The following PXDN variants were observed in gnomAD, a reference collection of about 807,000 sequenced individuals.
The protein encoded by PXDN is peroxidasin homolog.
A neutral mutation model predicts 140.3 loss-of-function variants in PXDN; 77 were observed. The observed-to-expected ratio is 0.55, with a 90% confidence interval of 0.46 to 0.66. PXDN has a LOEUF of 0.66. Among genes scored for constraint, PXDN ranks in the 30% least tolerant of loss-of-function variants. The pLI is 0.00. For missense variants in PXDN, 1,838 were observed against 2,039.5 expected (o/e 0.90, Z 1.90); for synonymous variants, 911 against 857.4 (o/e 1.06, Z -1.09).
chr2:1,740,118 A>G (rs554870682), intron 1 of PXDN, among the ~76,000 whole-genome samples: 63 of 152,278 alleles, frequency 4.1e-4, no homozygotes, highest in African/African-American at 1.5e-3. Flanking sequence ...CAGAAGACGC[A>G]GTCAGATGTG....
rs767295849 is a variant in PXDN at position 1,635,429 on chromosome 2, T to C, written c.4299A>G (p.Ala1433=). 5.6e-6 allele frequency: 9 copies of C among 1,594,694 alleles called. No individual in the cohort carries two copies. The highest frequency in any genetic ancestry group is 3.5e-5 in the Admixed American group (2 of 57,220). The change falls in exon 22 of 23, where the codon GCA becomes GCG. Residue 1433 remains alanine (A), a synonymous_variant. Transcript: ENST00000252804. ...HANNTKWKKD[A]CTICECKDGQ... ...TCACTTTGCATTCACAAATGGTGCA[T>C]GCATCTTTTTTCCACTTGGTGTTGT... is the stretch of plus-strand genomic sequence containing the variant.
At chr2:1,731,143 A>AGCGC (rs771785733) in intron 1 of PXDN, among the ~76,000 whole-genome samples, 6,642 of 114,338 alleles carry the variant, frequency 0.058, 172 homozygotes, top group Admixed American at 0.095. Context: ...CACTGTTGAG[A>AGCGC]GCGCGCGCGC....
intron 1 of PXDN, among the ~76,000 whole-genome samples, chr2:1,727,556 ATGCCCTGCACCTGC>A (rs1223400759): frequency 2.6e-5 from 4 of 152,174 alleles, no homozygotes; most frequent in African/African-American, 4.8e-5. Flanking sequence ...AGGCTGGCAC[ATGCCCTGCACCTGC>A]TGCCAGCTCC....
At chr2:1,723,217 G>C (rs1685094546) in intron 1 of PXDN, among the ~76,000 whole-genome samples, 1 of 152,160 alleles carries the variant, frequency 6.6e-6, no homozygotes, top group Admixed American at 6.5e-5. Flanking sequence ...ATGAATGGAA[G>C]AAAGAATAGA....
Position 1,683,698 on chromosome 2 carries a change from A to G in PXDN, c.518T>C (p.Leu173Ser). 1 of 1,607,876 alleles carries G rather than the reference A, an allele frequency of 6.2e-7. No individual in the cohort carries two copies. Among genetic ancestry groups the G allele is most frequent in the Non-Finnish European group, 8.5e-7 (1 of 1,177,954 alleles). The change falls in exon 6 of 23, where the codon TTA (leucine) becomes TCA (serine). Residue 173 changes from leucine (L) to serine (S), a missense_variant. Leu to Ser is a moderately radical substitution (Grantham distance 145). Around this residue, in one of 5 missense-constraint regions of PXDN, gnomAD observed 208 missense variants for 325.8 expected, o/e 0.64. Transcript: ENST00000252804. Reference protein sequence around the residue: ...LFLHNNRITHLVPGTFNHLES... With the variant: ...LFLHNNRITHSVPGTFNHLES... ...CAAGTGATTAAATGTCCCTGGAACT[A>G]AATGTGTAATCCGGTTGTTATGCAA...
chr2:1,706,760 A>T (rs1684622382), intron 1 of PXDN, among the ~76,000 whole-genome samples: 1 of 116,488 alleles, frequency 8.6e-6, no homozygotes. Flanking sequence ...CCCCACTAAT[A>T]ATACAATCCG....
rs761283580 is a variant in PXDN, at chr2:1,639,024, G to T, written c.4074-46C>A. On this transcript the variant is annotated intron_variant, in intron 20 of 22. Transcript: ENST00000252804. The surrounding 1 kb of genome is among the most constrained non-coding windows in gnomAD (Gnocchi z 5.0). ...GAGGAGGGAAATATAACCTTGGCAG[G>T]TCACGCCGGGTCTCATTTCAAGGTT... 23 of 1,602,250 alleles carry T rather than the reference G, an allele frequency of 1.4e-5. No individual in the cohort carries two copies. In the East Asian group the frequency reaches 4.5e-4, roughly 31 times the overall value.
intron 4 of PXDN, among the ~76,000 whole-genome samples, chr2:1,686,395 A>G (rs1684057713): frequency 1.3e-5 from 2 of 150,796 alleles, no homozygotes; most frequent in Admixed American, 1.3e-4. Flanking sequence ...TGATTCACAG[A>G]TGCCCTTCCT....
In PXDN at chr2:1,634,155, C is replaced by T. The variant is rs764442418; in HGVS notation, c.*49G>A. 7.8e-6 allele frequency: 12 copies of T among 1,545,362 alleles called. No homozygotes were observed. Among genetic ancestry groups the T allele is most frequent in the East Asian group, 7.3e-5 (3 of 40,836 alleles). ...CCGCAGCTCCCTGCCATCGGCCACC[C>T]GATCTCACGATGGCACAGCAGACAA... On this transcript the variant is annotated 3_prime_UTR_variant, in exon 23 of 23. Transcript: ENST00000252804.
At chr2:1,652,024 C>G (rs576306676) in intron 16 of PXDN, among the ~76,000 whole-genome samples, 2 of 152,310 alleles carry the variant, frequency 1.3e-5, no homozygotes, top group South Asian at 4.1e-4. Flanking sequence ...GGGTAAACAG[C>G]AAATGTATAA....
chr2:1,642,201 ACACACACCCCC>A (rs1259049157), intron 19 of PXDN, among the ~76,000 whole-genome samples: 1 of 152,040 alleles, frequency 6.6e-6, no homozygotes, highest in Non-Finnish European at 1.5e-5. Context: ...GGATTAGATC[ACACACACCCCC>A]CACACACCCC....
chr2:1,654,481 G>A lies in PXDN; in HGVS notation c.1865C>T (p.Pro622Leu), dbSNP rs368643195. 2.7e-5 allele frequency: 44 copies of A among 1,613,342 alleles called. No homozygotes were observed. Among genetic ancestry groups the A allele is most frequent in the Non-Finnish European group, 3.6e-5 (43 of 1,179,398 alleles). Reference protein sequence around the residue: ...NVPDVSRNGDPFVATSIVEAI... With the variant: ...NVPDVSRNGDLFVATSIVEAI... Reference sequence around the variant, plus strand: ...TTCCACGATGGAGGTAGCTACAAACGGATCTCCATTTCGACTGACGTCAGG... The same window carrying A: ...TTCCACGATGGAGGTAGCTACAAACAGATCTCCATTTCGACTGACGTCAGG... The change falls in exon 15 of 23, where the codon CCG becomes CTG. Residue 622 changes from proline to leucine, a missense_variant. This residue lies in a region of PXDN where 537 missense variants were observed against 583.9 expected (regional missense o/e 0.92). Coordinates refer to ENST00000252804, the MANE Select transcript of PXDN (RefSeq NM_012293.3).
At chr2:1,726,776 T>C (rs1685196322) in intron 1 of PXDN, among the ~76,000 whole-genome samples, 1 of 152,226 alleles carries the variant, frequency 6.6e-6, no homozygotes. Flanking sequence ...ATTATTTCCT[T>C]GGCTGTACAG....
chr2:1,743,870 G>A (rs1261694668), intron 1 of PXDN, among the ~76,000 whole-genome samples: 1 of 144,314 alleles, frequency 6.9e-6, no homozygotes, highest in Non-Finnish European at 1.5e-5. Flanking sequence ...AGGAGGGGCC[G>A]CGAACCAGGG....
rs1374000774 is a variant in PXDN at position 1,685,834 on chromosome 2, T to C, written c.417-1683A>G. 6.6e-6 allele frequency among the ~76,000 whole-genome samples: 1 copy of C among 151,686 alleles called. No individual in the cohort carries two copies. Among genetic ancestry groups the C allele is most frequent in the Admixed American group, 6.6e-5 (1 of 15,266 alleles). On this transcript the variant is annotated intron_variant, in intron 4 of 22. Coordinates refer to ENST00000252804, the MANE Select transcript of PXDN (RefSeq NM_012293.3). This position sits in a 1 kb window ranked among gnomAD's most constrained non-coding sequence, Gnocchi z 5.1. ...GTGTCCTCCACCCCTCCCTGAACAA[T>C]TGAGGAAACAGGACCAAAGACAGGA...
intron 15 of PXDN, 32 bp from the exon 16 acceptor site, chr2:1,653,817 A>G (rs780547815): frequency 1.3e-6 from 2 of 1,517,954 alleles, no homozygotes; most frequent in Admixed American, 2.0e-5. Context: ...GAAAGGAAGA[A>G]TGAAACAAAT....
At chr2:1,688,697 A>G (rs1221783908) in intron 3 of PXDN, among the ~76,000 whole-genome samples, 1 of 152,172 alleles carries the variant, frequency 6.6e-6, no homozygotes, top group African/African-American at 2.4e-5. Context: ...TCTCTGACAT[A>G]GGCAGATGGG....
Position 1,643,388 on chromosome 2 carries a change from A to T in PXDN, c.3932T>A (p.Val1311Glu). Residue 1311 changes from valine to glutamate, a missense_variant, in exon 19 of 23, where the codon GTG (valine) becomes GAG (glutamate). Transcript: ENST00000252804. ...CGCACCTTCACAGCAGTCCTGCCAC[A>T]CCCGGAGGTCTACCCTGGGGATCTC... Reference protein sequence around the residue: ...CDEIPRVDLRVWQDCCEDCRT... With the variant: ...CDEIPRVDLREWQDCCEDCRT... The T allele has an allele frequency of 6.2e-7, 1 of 1,613,838 alleles. No homozygotes were observed. The highest frequency in any genetic ancestry group is 1.1e-5 in the South Asian group (1 of 91,072).
rs1248574043 is a variant in PXDN at position 1,685,795 on chromosome 2, C to T, written c.417-1644G>A. On this transcript the variant is annotated intron_variant, in intron 4 of 22. Coordinates refer to ENST00000252804, the MANE Select transcript of PXDN (RefSeq NM_012293.3). This position sits in a 1 kb window ranked among gnomAD's most constrained non-coding sequence, Gnocchi z 5.1. The stretch of plus-strand genomic sequence containing the variant: ...ACAGGATCTTAGAGAGGCTGGGGCC[C>T]CAGGCAGCCTGGGGTGTCCTCCACC... 6.6e-6 allele frequency among the ~76,000 whole-genome samples: 1 copy of T among 151,916 alleles called. No individual in the cohort carries two copies. The highest frequency in any genetic ancestry group is 1.5e-5 in the Non-Finnish European group (1 of 67,972).
Sources: gnomAD v4.1 joint callset for allele counts (sites outside exome capture counted in the v4.1 genomes callset) on GRCh38, gnomAD v4.1.1 for gene constraint, gnomAD v4.1.1 regional missense constraint, Gnocchi (gnomAD v3.1) non-coding constraint, MANE v1.5 for transcripts, NCBI Gene and HGNC (gene_info 2026-07-23, HGNC 2026-07-21) for gene names.